PTBP1: variants seen among roughly 807,000 people sequenced by gnomAD.
PTBP1 encodes polypyrimidine tract-binding protein 1.
Under a neutral mutation model 59.8 loss-of-function variants are expected in PTBP1, and 8 were observed. The observed-to-expected ratio is 0.13, with a 90% CI of 0.08 to 0.24. The LOEUF (loss-of-function observed/expected upper bound fraction) is 0.24, where lower values mean the gene tolerates loss of function less well. PTBP1 is among the 10% of genes least tolerant of loss of function. PTBP1 has a pLI of 1.00. For missense variants in PTBP1, 686 were observed against 767.0 expected (o/e 0.89, Z 1.25); for synonymous variants, 490 against 320.7 (o/e 1.53, Z -5.64).
intron 2 of PTBP1, among the ~76,000 whole-genome samples, chr19:800,589 G>A (rs1444369381): frequency 6.6e-6 from 1 of 152,228 alleles, no homozygotes; most frequent in African/African-American, 2.4e-5. Context: ...GCAGCCAGTT[G>A]GTTTCTGGTC....
intron 13 of PTBP1, among the ~76,000 whole-genome samples, chr19:810,088 C>T (rs2034784699): frequency 6.6e-6 from 1 of 152,138 alleles, no homozygotes; most frequent in Admixed American, 6.5e-5. Context: ...AGGCAGATCA[C>T]CTGAGGTCAG....
At chr19:800,838 G>A (rs1006688433) in intron 2 of PTBP1, among the ~76,000 whole-genome samples, 3 of 152,132 alleles carry the variant, frequency 2.0e-5, no homozygotes, top group African/African-American at 4.8e-5. Flanking sequence ...AGCTTCCATC[G>A]GGTGGTCCTT....
Position 804,182 on chromosome 19 carries a change from C to G in PTBP1, c.262C>G (p.Leu88Val). ...GCTGCCCTTTGGGAAGGTCACCAACCTCCTGATGCTGAAGGGGAAAAACCA... is the reference window on the plus strand; with the variant it reads ...GCTGCCCTTTGGGAAGGTCACCAACGTCCTGATGCTGAAGGGGAAAAACCA... ...LGLPFGKVTN[L>V]LMLKGKNQAF... The change falls in exon 4 of 15, where the codon CTC becomes GTC. Residue 88 changes from leucine to valine, a missense_variant. Coordinates refer to ENST00000356948, the MANE Select transcript of PTBP1 (RefSeq NM_002819.5). The G allele has an allele frequency of 8.7e-6, 14 of 1,608,912 alleles. No homozygotes were observed. The highest frequency in any genetic ancestry group is 1.2e-5 in the Non-Finnish European group (14 of 1,176,482).
At chr19:809,510 C>CG (rs1162970048) in intron 13 of PTBP1, among the ~76,000 whole-genome samples, 3 of 151,860 alleles carry the variant, frequency 2.0e-5, no homozygotes, top group South Asian at 2.1e-4. Context: ...TTAGTGGAAA[C>CG]GGGGTTTCAC....
At chr19:797,880 C>T (rs1411396007) in intron 1 of PTBP1, among the ~76,000 whole-genome samples, 1 of 148,928 alleles carries the variant, frequency 6.7e-6, no homozygotes, top group Non-Finnish European at 1.5e-5. Context: ...TCCCGCCTCC[C>T]GTCCGCTCCC....
chr19:803,898 G>T, intron 3 of PTBP1, 138 bp from the exon 4 acceptor site: 1 of 1,038,210 alleles, frequency 9.6e-7, no homozygotes, highest in Non-Finnish European at 1.4e-6. Context: ...TTGGCCTCTC[G>T]CGCTGCTGGT....
At chr19:806,037 C>T (rs1049909356) in intron 9 of PTBP1, 1 of 236,148 alleles carries the variant, frequency 4.2e-6, no homozygotes, top group Non-Finnish European at 8.1e-6. Flanking sequence ...GCGTGCCGCC[C>T]GGCGGCCGCC....
chr19:805,103 G>C lies in PTBP1; in HGVS notation c.808G>C (p.Asp270His), dbSNP rs1014085410. ...LTSLNVKYNNDKSRDYTRPDL... is the reference protein window; with the variant it reads ...LTSLNVKYNNHKSRDYTRPDL... Reference sequence around the variant, plus strand: ...CAGCCTCAACGTCAAGTACAACAATGACAAGAGCCGTGACTACACACGCCC... The same window carrying C: ...CAGCCTCAACGTCAAGTACAACAATCACAAGAGCCGTGACTACACACGCCC... The change falls in exon 8 of 15, where the codon GAC becomes CAC. Residue 270 changes from aspartate to histidine, a missense_variant. By Grantham distance (81) the Asp-to-His change is moderately conservative. Transcript: ENST00000356948. The C allele has an allele frequency of 1.2e-6, 2 of 1,613,800 alleles. No individual in the cohort carries two copies. Among genetic ancestry groups the C allele is most frequent in the African/African-American group, 2.7e-5 (2 of 74,936 alleles).
At position 808,765 on chromosome 19, in the gene PTBP1, G is replaced by A; in HGVS notation, c.1463+3G>A. 1 of 1,610,038 alleles carries A rather than the reference G, an allele frequency of 6.2e-7. No homozygotes were observed. Among genetic ancestry groups the A allele is most frequent in the Non-Finnish European group, 8.5e-7 (1 of 1,178,616 alleles). Reference sequence around the variant, plus strand: ...ACGCTGCACCTCTCCAACATCCCGTGAGTGCTGGGCCGGGGGGCTCATGGG... The same window carrying A: ...ACGCTGCACCTCTCCAACATCCCGTAAGTGCTGGGCCGGGGGGCTCATGGG... On this transcript the variant is annotated splice_donor_region_variant and intron_variant, in intron 13 of 14. Coordinates refer to ENST00000356948, the MANE Select transcript of PTBP1 (RefSeq NM_002819.5). This position sits in a 1 kb window ranked among gnomAD's most constrained non-coding sequence, Gnocchi z 4.7.
chr19:802,999 G>A (rs773121188), intron 2 of PTBP1, among the ~76,000 whole-genome samples: 6 of 152,242 alleles, frequency 3.9e-5, no homozygotes, highest in Non-Finnish European at 7.3e-5. Context: ...CGTGTGCAGA[G>A]ACGGAGGTCG....
In PTBP1 at chr19:806,434, G is replaced by GCCCTGGCCC. The variant is rs1376430644; in HGVS notation, c.1006_1014dup (p.Pro336_Ala338dup). On this transcript the variant is annotated inframe_insertion, in exon 10 of 15. Transcript: ENST00000356948. ...CCTTTCCGTTCCGAACGTCCACGGC[G>GCCCTGGCCC]CCCTGGCCCCCCTGGCCATCCCCTC... 6.9e-6 allele frequency: 11 copies of GCCCTGGCCC among 1,601,668 alleles called. No homozygotes were observed. Among genetic ancestry groups the GCCCTGGCCC allele is most frequent in the Admixed American group, 1.7e-5 (1 of 59,064 alleles).
chr19:802,740 T>G (rs2034390518), intron 2 of PTBP1, among the ~76,000 whole-genome samples: 1 of 152,188 alleles, frequency 6.6e-6, no homozygotes, highest in Non-Finnish European at 1.5e-5. Flanking sequence ...TTTCACTCTT[T>G]GAATAAACGT....
chr19:801,708 T>G (rs2034342282), intron 2 of PTBP1, among the ~76,000 whole-genome samples: 1 of 152,176 alleles, frequency 6.6e-6, no homozygotes. Flanking sequence ...AGGCGAAGGT[T>G]GGAGGCCCTG....
chr19:810,367 G>A (rs555304644), intron 13 of PTBP1, among the ~76,000 whole-genome samples, 176 bp from the exon 14 acceptor site: 2 of 152,256 alleles, frequency 1.3e-5, no homozygotes, highest in East Asian at 1.9e-4. Flanking sequence ...GCCTGGTTTC[G>A]TTAGAAGCTG....
intron 1 of PTBP1, among the ~76,000 whole-genome samples, chr19:798,997 G>C (rs995411015): frequency 6.6e-6 from 1 of 152,266 alleles, no homozygotes; most frequent in Admixed American, 6.5e-5. Context: ...TGGAAGCTCT[G>C]GCCCAGGCCT....
Position 799,326 on chromosome 19 carries a change from C to T in PTBP1, c.9-87C>T, listed in dbSNP as rs73919850. The T allele has an allele frequency of 6.7e-4, 843 of 1,262,656 alleles. 8 individuals carry two copies. In the African/African-American group the frequency reaches 0.011, roughly 17 times the overall value. 78.2% of individuals were successfully genotyped at this position (1,262,656 alleles called of 1,614,324 possible). ...CGGAGGTGGCAGCTGCAGGGACCTA[C>T]GGGCTCTCCTGGCCCGGGGACAGCT... On this transcript the variant is annotated intron_variant, in intron 1 of 14. Coordinates refer to ENST00000356948, the MANE Select transcript of PTBP1 (RefSeq NM_002819.5).
chr19:801,428 A>G (rs1298511841), intron 2 of PTBP1, among the ~76,000 whole-genome samples: 1 of 152,254 alleles, frequency 6.6e-6, no homozygotes, highest in African/African-American at 2.4e-5. Context: ...ATGCCAGGCC[A>G]CTTGCCCATG....
chr19:807,877 A>C lies in PTBP1; in HGVS notation c.1128A>C (p.Thr376=), dbSNP rs2034651869. Residue 376 remains threonine (T), a synonymous_variant, in exon 11 of 15, where the codon ACA becomes ACC. Coordinates refer to ENST00000356948, the MANE Select transcript of PTBP1 (RefSeq NM_002819.5). Reference sequence around the variant, plus strand: ...CTCTGCTGTCTCTAAAGAGAGTCACACCCCAAAGCCTCTTTATTCTTTTCG... The same window carrying C: ...CTCTGCTGTCTCTAAAGAGAGTCACCCCCCAAAGCCTCTTTATTCTTTTCG... ...LVSNLNPERV[T]PQSLFILFGV... 6.2e-7 allele frequency: 1 copy of C among 1,613,474 alleles called. No individual in the cohort carries two copies. The highest frequency in any genetic ancestry group is 8.5e-7 in the Non-Finnish European group (1 of 1,179,616).
At position 804,026 on chromosome 19, in the gene PTBP1, C is replaced by A. The variant is rs778962773; in HGVS notation, c.116-10C>A. The A allele has an allele frequency of 2.0e-4, 329 of 1,613,756 alleles. No individual in the cohort carries two copies. The highest frequency in any genetic ancestry group is 2.7e-4 in the Non-Finnish European group (324 of 1,179,988). ...GTTGGTGCCTGCATCTCATGGCACC[C>A]CCTTTTCAGCAAACGGAAATGACAG... On this transcript the variant is annotated splice_polypyrimidine_tract_variant and intron_variant, in intron 3 of 14. Transcript: ENST00000356948.
Sources: allele counts gnomAD v4.1 joint callset (sites outside exome capture counted in the v4.1 genomes callset), GRCh38; gene constraint gnomAD v4.1.1; non-coding constraint Gnocchi (gnomAD v3.1); transcripts MANE v1.5; gene names NCBI Gene and HGNC (gene_info 2026-07-23, HGNC 2026-07-21).